PLCB1: variants seen among roughly 807,000 people sequenced by gnomAD.
PLCB1 encodes the protein 1-phosphatidylinositol 4,5-bisphosphate phosphodiesterase beta-1.
A neutral mutation model predicts 161.8 loss-of-function variants in PLCB1; 46 were observed. The ratio of observed to expected loss-of-function variants is 0.28; its 90% CI spans 0.22 to 0.36. The LOEUF is 0.36. PLCB1 is among the 10% of genes least tolerant of loss of function. PLCB1 has a pLI of 1.00. For synonymous variants in PLCB1, 517 were observed against 503.7 expected (o/e 1.03, Z -0.35); for missense variants, 1,016 against 1,472.5 (o/e 0.69, Z 5.07).
intron 4 of PLCB1, among the ~76,000 whole-genome samples, chr20:8,636,513 T>C (rs1043120012): frequency 1.3e-5 from 2 of 152,242 alleles, no homozygotes; most frequent in Admixed American, 6.5e-5. Flanking sequence ...CTGGAACATT[T>C]GTTTAAAAGC....
At chr20:8,722,508 G>T in intron 15 of PLCB1, 87 bp downstream of exon 15, 1 of 848,382 alleles carries the variant, frequency 1.2e-6, no homozygotes, top group Non-Finnish European at 1.7e-6. Flanking sequence ...CTGCCATCTA[G>T]TGGCAAAAAG....
At chr20:8,444,545 G>A (rs1470019730) in intron 3 of PLCB1, among the ~76,000 whole-genome samples, 14 of 152,130 alleles carry the variant, frequency 9.2e-5, no homozygotes, top group Non-Finnish European at 1.9e-4. Flanking sequence ...ATGATTTATA[G>A]TCCTTTGGGT....
chr20:8,169,851 A>G (rs1222853669), intron 2 of PLCB1, among the ~76,000 whole-genome samples: 1 of 152,194 alleles, frequency 6.6e-6, no homozygotes, highest in Non-Finnish European at 1.5e-5. Context: ...ATAGTTTGTC[A>G]TCAAAACTAA....
intron 31 of PLCB1, among the ~76,000 whole-genome samples, chr20:8,828,729 T>C (rs1312142468): frequency 6.6e-6 from 1 of 152,202 alleles, no homozygotes; most frequent in African/African-American, 2.4e-5. Flanking sequence ...ATAATGTTGA[T>C]GGACAAGATT....
At chr20:8,506,218 T>C (rs557127509) in intron 3 of PLCB1, among the ~76,000 whole-genome samples, 2 of 152,362 alleles carry the variant, frequency 1.3e-5, no homozygotes, top group Admixed American at 6.5e-5. Flanking sequence ...ACTATTTGCC[T>C]ATTGGCCATC....
chr20:8,872,297 A>G (rs796200938), intron 31 of PLCB1, among the ~76,000 whole-genome samples: 4 of 152,348 alleles, frequency 2.6e-5, no homozygotes, highest in South Asian at 2.1e-4. Context: ...AATGGCCTGT[A>G]TTCTTCTACA....
chr20:8,681,483 G>A (rs1275331459), intron 9 of PLCB1, among the ~76,000 whole-genome samples: 2 of 152,082 alleles, frequency 1.3e-5, no homozygotes, highest in African/African-American at 2.4e-5. Context: ...CAAACCAAAG[G>A]ATGTTTATTC....
intron 2 of PLCB1, among the ~76,000 whole-genome samples, chr20:8,357,451 A>G (rs1986395929): frequency 1.3e-5 from 2 of 152,204 alleles, no homozygotes; most frequent in Admixed American, 1.3e-4. Context: ...TCATATGACT[A>G]TCTTGCCCTT....
chr20:8,147,252 A>G (rs1341270399), intron 1 of PLCB1, among the ~76,000 whole-genome samples: 2 of 152,326 alleles, frequency 1.3e-5, no homozygotes, highest in East Asian at 3.9e-4. Context: ...GTGTTTTTAC[A>G]AGATCTCTCA....
intron 3 of PLCB1, among the ~76,000 whole-genome samples, chr20:8,435,315 C>T (rs894915538): frequency 2.6e-5 from 4 of 152,122 alleles, no homozygotes; most frequent in African/African-American, 9.7e-5. Flanking sequence ...TAAGTGTGGG[C>T]AAAACCTAAG....
At chr20:8,153,777 C>G (rs2051532353) in intron 2 of PLCB1, among the ~76,000 whole-genome samples, 1 of 152,052 alleles carries the variant, frequency 6.6e-6, no homozygotes, top group Non-Finnish European at 1.5e-5. Flanking sequence ...CCTTCCTTGT[C>G]TTCATAAAAC....
intron 31 of PLCB1, among the ~76,000 whole-genome samples, chr20:8,792,333 T>G: frequency 6.6e-6 from 1 of 152,156 alleles, no homozygotes; most frequent in East Asian, 1.9e-4. Context: ...GTAATTAAGA[T>G]TCACTCACAA....
chr20:8,744,278 G>A (rs1459081700), intron 23 of PLCB1, among the ~76,000 whole-genome samples: 1 of 152,082 alleles, frequency 6.6e-6, no homozygotes, highest in East Asian at 1.9e-4. Flanking sequence ...TGTATTTTCA[G>A]TATTTAGAGG....
chr20:8,745,303 C>G (rs1555787633), intron 23 of PLCB1, among the ~76,000 whole-genome samples: 12 of 152,140 alleles, frequency 7.9e-5, no homozygotes, highest in Non-Finnish European at 1.8e-4. Flanking sequence ...AAATAAGTAA[C>G]TGTGGTTTTC....
chr20:8,798,387 T>G (rs1256027695), intron 31 of PLCB1, among the ~76,000 whole-genome samples: 1 of 152,038 alleles, frequency 6.6e-6, no homozygotes, highest in Middle Eastern at 3.2e-3. Context: ...TAAAAGATTG[T>G]GTGTGTGTGT....
intron 2 of PLCB1, among the ~76,000 whole-genome samples, chr20:8,274,989 C>A (rs535899857): frequency 6.6e-6 from 1 of 152,196 alleles, no homozygotes; most frequent in South Asian, 2.1e-4. Flanking sequence ...AATCTTGCTT[C>A]GATGCCCCTT....
chr20:8,562,746 C>T (rs1986183547), intron 3 of PLCB1, among the ~76,000 whole-genome samples: 1 of 152,032 alleles, frequency 6.6e-6, no homozygotes, highest in African/African-American at 2.4e-5. Flanking sequence ...GGTAATATGA[C>T]TTCATGTGGG....
intron 3 of PLCB1, among the ~76,000 whole-genome samples, chr20:8,477,921 T>C (rs1982347979): frequency 6.6e-6 from 1 of 152,246 alleles, no homozygotes; most frequent in Non-Finnish European, 1.5e-5. Flanking sequence ...TCTTAGTGCT[T>C]TACATAGACT....
chr20:8,587,106 T>C (rs1044891689), intron 3 of PLCB1, among the ~76,000 whole-genome samples: 1 of 152,108 alleles, frequency 6.6e-6, no homozygotes, highest in Admixed American at 6.6e-5. Flanking sequence ...TGTGTAATTG[T>C]GCCAAAATTG....
Sources: allele counts gnomAD v4.1 joint callset (sites outside exome capture counted in the v4.1 genomes callset), GRCh38; gene constraint gnomAD v4.1.1; transcripts MANE v1.5; gene names NCBI Gene and HGNC (gene_info 2026-07-23, HGNC 2026-07-21).